Variants in PTPN11 observed in about 807,000 individuals in gnomAD.
PTPN11 encodes the protein protein tyrosine phosphatase non-receptor type 11.
Under a neutral mutation model 78.8 loss-of-function variants are expected in PTPN11, and 6 were observed. The observed-to-expected ratio is 0.08, with a 90% confidence interval of 0.04 to 0.15. The LOEUF (loss-of-function observed/expected upper bound fraction) is 0.15, where lower values mean the gene tolerates loss of function less well. Ranked by LOEUF, PTPN11 falls within the 10% of genes least tolerant of loss-of-function variation. The probability of loss-of-function intolerance (pLI) is 1.00; values close to 1 mark genes in which losing one functional copy is unlikely to be tolerated. For synonymous variants in PTPN11, 221 were observed against 263.5 expected (o/e 0.84, Z 1.56); for missense variants, 386 against 744.8 (o/e 0.52, Z 5.61).
At chr12:112,444,128 A>G (rs138824211) in intron 1 of PTPN11, among the ~76,000 whole-genome samples, 1 of 152,192 alleles carries the variant, frequency 6.6e-6, no homozygotes, top group East Asian at 1.9e-4. Flanking sequence ...CGGCATTCAA[A>G]CTATAGCATT....
chr12:112,444,280 T>C (rs2037955327), intron 1 of PTPN11, among the ~76,000 whole-genome samples: 1 of 152,220 alleles, frequency 6.6e-6, no homozygotes, highest in Non-Finnish European at 1.5e-5. Context: ...GAATCCGTGT[T>C]TTCAATTACT....
intron 13 of PTPN11, among the ~76,000 whole-genome samples, chr12:112,498,108 G>A (rs1592860138): frequency 1.3e-5 from 2 of 151,962 alleles, no homozygotes; most frequent in Non-Finnish European, 2.9e-5. Flanking sequence ...AGCCGAGATT[G>A]TGCCACTGCA....
chr12:112,446,254 T>C lies in PTPN11; in HGVS notation c.15-22T>C, dbSNP rs1228055354. Reference sequence around the variant, plus strand: ...TGACAGTGTCTTGTTTTTTTATTACTTACTTTGTCTTTCTTTTTAAGATGG... The same window carrying C: ...TGACAGTGTCTTGTTTTTTTATTACCTACTTTGTCTTTCTTTTTAAGATGG... On this transcript the variant is annotated intron_variant, in intron 1 of 15. Transcript: ENST00000351677. 3.1e-6 allele frequency: 5 copies of C among 1,613,632 alleles called. No individual in the cohort carries two copies. In the African/African-American group the frequency reaches 5.3e-5, roughly 17 times the overall value.
chr12:112,443,981 G>C (rs898490805), intron 1 of PTPN11, among the ~76,000 whole-genome samples: 1 of 151,774 alleles, frequency 6.6e-6, no homozygotes, highest in African/African-American at 2.4e-5. Context: ...TGTAGAGATG[G>C]GGTTTCACTA....
rs183175208 is a variant in PTPN11 at position 112,472,306 on chromosome 12, A to G, written c.757-638A>G. Reference sequence around the variant, plus strand: ...TCCTTATGCCATTTCTTTTGTACGTAGGTGAATGCAAGTGTATGATTACAT... The same window carrying G: ...TCCTTATGCCATTTCTTTTGTACGTGGGTGAATGCAAGTGTATGATTACAT... On this transcript the variant is annotated intron_variant, in intron 6 of 15. Coordinates refer to ENST00000351677, the MANE Select transcript of PTPN11 (RefSeq NM_002834.5). Among the ~76,000 whole-genome samples, 70 of 152,250 alleles carry G rather than the reference A, an allele frequency of 4.6e-4. 3 individuals carry two copies. Among genetic ancestry groups the G allele is most frequent in the Admixed American group, 4.2e-3 (64 of 15,292 alleles).
intron 7 of PTPN11, among the ~76,000 whole-genome samples, chr12:112,475,082 G>T (rs1253190830): frequency 3.3e-5 from 5 of 152,204 alleles, no homozygotes; most frequent in Admixed American, 3.3e-4. Flanking sequence ...ACTCTATGCT[G>T]AACTCTTTGC....
At chr12:112,475,861 A>C (rs1252597842) in intron 7 of PTPN11, among the ~76,000 whole-genome samples, 1 of 152,240 alleles carries the variant, frequency 6.6e-6, no homozygotes, top group African/African-American at 2.4e-5. Flanking sequence ...AAGTGGAGAC[A>C]TTTGTAATAC....
At chr12:112,477,562 C>G in intron 7 of PTPN11, 89 bp from the exon 8 acceptor site, 1 of 1,031,450 alleles carries the variant, frequency 9.7e-7, no homozygotes, top group Non-Finnish European at 1.5e-6. Flanking sequence ...ATGAACAAAA[C>G]TTGGACTAGG....
chr12:112,486,549 G>C lies in PTPN11; in HGVS notation c.1299G>C (p.Gly433=), dbSNP rs1327469124. The C allele has an allele frequency of 1.2e-6, 2 of 1,614,078 alleles. No individual in the cohort carries two copies. The highest frequency in any genetic ancestry group is 2.2e-5 in the East Asian group (1 of 44,890). The change falls in exon 11 of 16, where the codon GGG becomes GGC. Residue 433 remains glycine, a synonymous_variant. Transcript: ENST00000351677. The part of the protein sequence containing the change: ...WPDHGVPSDP[G]GVLDFLEEVH... ...ACCACGGCGTGCCCAGCGACCCTGG[G>C]GGCGTGCTGGACTTCCTGGAGGAGG... is the stretch of plus-strand genomic sequence containing the variant.
rs967353519 is a variant in PTPN11 at position 112,449,432 on chromosome 12, G to A, written c.138-886G>A. 5.9e-5 allele frequency among the ~76,000 whole-genome samples: 9 copies of A among 151,944 alleles called. No homozygotes were observed. The South Asian group carries it at 8.3e-4, about 14-fold the overall frequency. On this transcript the variant is annotated intron_variant, in intron 2 of 15. Coordinates refer to ENST00000351677, the MANE Select transcript of PTPN11 (RefSeq NM_002834.5). ...TGAGGCAGGAGAATGGTGTGAACCC[G>A]GGACGTGGAGCTTGCAGTGAGCCAA...
intron 6 of PTPN11, among the ~76,000 whole-genome samples, chr12:112,460,671 G>A (rs1193338213): frequency 1.3e-5 from 2 of 151,890 alleles, no homozygotes; most frequent in African/African-American, 4.8e-5. Flanking sequence ...GTGAAACCCG[G>A]TCTCTACTAA....
intron 13 of PTPN11, among the ~76,000 whole-genome samples, chr12:112,490,786 T>C (rs2038736047): frequency 6.6e-6 from 1 of 152,190 alleles, no homozygotes; most frequent in Non-Finnish European, 1.5e-5. Flanking sequence ...CAATTATTTA[T>C]TTTAAAAAAT....
At chr12:112,427,984 C>T (rs2135830361) in intron 1 of PTPN11, among the ~76,000 whole-genome samples, 1 of 152,258 alleles carries the variant, frequency 6.6e-6, no homozygotes, top group South Asian at 2.1e-4. Context: ...CTTCTGGCTT[C>T]AAGTGATTCT....
intron 1 of PTPN11, among the ~76,000 whole-genome samples, chr12:112,428,029 G>A (rs73425482): frequency 0.04 from 6,146 of 152,212 alleles, 272 homozygotes; most frequent in African/African-American, 0.11. Flanking sequence ...GGCATTATGG[G>A]CATAAGCCAC....
intron 13 of PTPN11, among the ~76,000 whole-genome samples, chr12:112,496,321 T>C (rs1253830641): frequency 6.6e-6 from 1 of 152,188 alleles, no homozygotes; most frequent in African/African-American, 2.4e-5. Context: ...GCTCCTCTTA[T>C]ATTTTTCCCT....
At chr12:112,451,595 G>T (rs2038079892) in intron 3 of PTPN11, among the ~76,000 whole-genome samples, 1 of 152,152 alleles carries the variant, frequency 6.6e-6, no homozygotes, top group African/African-American at 2.4e-5. Context: ...AGACTTACAT[G>T]TATTGATATT....
At chr12:112,456,556 C>T (rs2038164212) in intron 6 of PTPN11, among the ~76,000 whole-genome samples, 1 of 150,864 alleles carries the variant, frequency 6.6e-6, no homozygotes, top group East Asian at 2.0e-4. Context: ...CCTCCCTGGG[C>T]TCAAGTGATC....
chr12:112,469,351 C>T (rs2038378347), intron 6 of PTPN11, among the ~76,000 whole-genome samples: 1 of 151,636 alleles, frequency 6.6e-6, no homozygotes, highest in Non-Finnish European at 1.5e-5. Flanking sequence ...ACCTCTAACA[C>T]TTGCCTGTGT....
At chr12:112,431,741 T>C (rs953046334) in intron 1 of PTPN11, among the ~76,000 whole-genome samples, 9 of 152,182 alleles carry the variant, frequency 5.9e-5, no homozygotes, top group African/African-American at 2.2e-4. Flanking sequence ...TAGTTCCAAA[T>C]GTGAAACTCC....
Sources: gnomAD v4.1 joint callset for allele counts (sites outside exome capture counted in the v4.1 genomes callset) on GRCh38, gnomAD v4.1.1 for gene constraint, MANE v1.5 for transcripts, NCBI Gene and HGNC (gene_info 2026-07-23, HGNC 2026-07-21) for gene names.